ANXA7: variants seen among roughly 807,000 people sequenced by gnomAD.
ANXA7 encodes the protein annexin VII.
A neutral mutation model predicts 64.9 loss-of-function variants in ANXA7; 55 were observed. That is an observed-to-expected ratio of 0.85 (90% CI 0.68 to 1.06). The LOEUF (loss-of-function observed/expected upper bound fraction) is 1.06, where lower values mean the gene tolerates loss of function less well. ANXA7 is among the 50% of genes least tolerant of loss of function. The pLI is 0.00. For synonymous variants in ANXA7, 200 were observed against 192.4 expected (o/e 1.04, Z -0.33); for missense variants, 548 against 582.1 (o/e 0.94, Z 0.60).
At chr10:73,413,035 A>C (rs1043645517) in intron 1 of ANXA7, among the ~76,000 whole-genome samples, 1 of 152,016 alleles carries the variant, frequency 6.6e-6, no homozygotes, top group African/African-American at 2.4e-5. Context: ...CAGCGAATAC[A>C]ATTTTGCAAA....
At chr10:73,406,586 T>C (rs1181944988) in intron 1 of ANXA7, among the ~76,000 whole-genome samples, 1 of 152,134 alleles carries the variant, frequency 6.6e-6, no homozygotes, top group Non-Finnish European at 1.5e-5. Context: ...ACATATATTT[T>C]TGAGATGGTT....
chr10:73,378,869 A>T (rs1024757857), intron 12 of ANXA7, 42 bp downstream of exon 12: 2 of 1,445,640 alleles, frequency 1.4e-6, no homozygotes, highest in African/African-American at 2.8e-5. Flanking sequence ...TCAACATTGA[A>T]CATCAAGTAA....
At chr10:73,391,242 C>CA (rs1198579200) in intron 5 of ANXA7, among the ~76,000 whole-genome samples, 1 of 151,432 alleles carries the variant, frequency 6.6e-6, no homozygotes, top group Non-Finnish European at 1.5e-5. Flanking sequence ...GAGTTCTCAG[C>CA]AAAATCTGCT....
At chr10:73,380,332 C>CGACA in intron 9 of ANXA7, 131 bp from the exon 10 acceptor site, 2 of 894,620 alleles carry the variant, frequency 2.2e-6, no homozygotes, top group Non-Finnish European at 3.3e-6. Flanking sequence ...CTTGCTCTGT[C>CGACA]ACTCAGGCTG....
In ANXA7 at chr10:73,375,447, T is replaced by C. The variant is rs986547471; in HGVS notation, c.*648A>G. The C allele has an allele frequency of 6.6e-6, 1 of 152,168 alleles. No individual in the cohort carries two copies. Among genetic ancestry groups the C allele is most frequent in the African/African-American group, 2.4e-5 (1 of 41,450 alleles). The allele number at this position is 152,168 out of a possible 1,614,324, so 9.4% of individuals were successfully genotyped here. On this transcript the variant is annotated 3_prime_UTR_variant, in exon 13 of 13. Coordinates refer to ENST00000372921, the MANE Select transcript of ANXA7 (RefSeq NM_001156.5). Reference sequence around the variant, plus strand: ...AACACCATATTGTACACCTTAAATATATGCAATTTTTTATTTGTCATAACT... The same window carrying C: ...AACACCATATTGTACACCTTAAATACATGCAATTTTTTATTTGTCATAACT...
intron 1 of ANXA7, among the ~76,000 whole-genome samples, chr10:73,401,295 T>C (rs1041052144): frequency 3.3e-5 from 5 of 151,726 alleles, no homozygotes; most frequent in African/African-American, 9.7e-5. Flanking sequence ...CAAGGTTTTA[T>C]GCAAAATATT....
chr10:73,390,876 G>T lies in ANXA7; in HGVS notation c.436-2462C>A, dbSNP rs144278236. Among the ~76,000 whole-genome samples, 229 of 151,872 alleles carry T rather than the reference G, an allele frequency of 1.5e-3. 1 individual carries two copies. Among genetic ancestry groups the T allele is most frequent in the African/African-American group, 5.3e-3 (220 of 41,452 alleles). On this transcript the variant is annotated intron_variant, in intron 5 of 12. Transcript: ENST00000372921. ...TTCCAGGCATTAAACTGAATTCAAA[G>T]AAATCAGGATCTGGGCTGGGCACAG...
Position 73,387,710 on chromosome 10 carries a change from T to C in ANXA7, c.612A>G (p.Ala204=), listed in dbSNP as rs919783162. The change falls in exon 7 of 13, where the codon GCA becomes GCG. Residue 204 remains alanine, a synonymous_variant. Transcript: ENST00000372921. ...SNDQRQKIKA[A]FKTSYGKDLI... Reference sequence around the variant, plus strand: ...ATACCTTGCCATAGGAGGTCTTAAATGCTGCTTTAATTTTTTGCCTCTGAT... The same window carrying C: ...ATACCTTGCCATAGGAGGTCTTAAACGCTGCTTTAATTTTTTGCCTCTGAT... The C allele has an allele frequency of 1.9e-6, 3 of 1,613,990 alleles. No individual in the cohort carries two copies. Among genetic ancestry groups the C allele is most frequent in the Non-Finnish European group, 2.5e-6 (3 of 1,179,978 alleles).
In ANXA7 at chr10:73,398,090, A is replaced by G; in HGVS notation, c.259+91T>C. On this transcript the variant is annotated intron_variant, in intron 3 of 12. Transcript: ENST00000372921. ...TTACCTAAGAGCGACTTGACCTTAT[A>G]CAAAACAAGCAGGAATGAAGAGGAT... 13 of 1,335,768 alleles carry G rather than the reference A, an allele frequency of 9.7e-6. No homozygotes were observed. In the South Asian group the frequency reaches 1.7e-4, roughly 18 times the overall value. The allele number at this position is 1,335,768 out of a possible 1,614,324, so 82.7% of individuals were successfully genotyped here. A position where few individuals can be genotyped will look rare whatever the true frequency, so the allele number is the denominator to read the frequency against.
At position 73,383,693 on chromosome 10, in the gene ANXA7, A is replaced by G; in HGVS notation, c.634-3T>C. The G allele has an allele frequency of 1.3e-6, 2 of 1,577,482 alleles. No individual in the cohort carries two copies. The highest frequency in any genetic ancestry group is 2.2e-5 in the East Asian group (1 of 44,640). On this transcript the variant is annotated splice_polypyrimidine_tract_variant and splice_region_variant and intron_variant, in intron 7 of 12. Transcript: ENST00000372921. ...GATTTGAGATCTTTGATTAAATCCT[A>G]TTTAATCACAAATACAAGCTAAGTA...
At chr10:73,378,724 C>T (rs557761219) in intron 12 of ANXA7, among the ~76,000 whole-genome samples, 187 bp downstream of exon 12, 15 of 152,248 alleles carry the variant, frequency 9.9e-5, no homozygotes, top group African/African-American at 2.9e-4. Context: ...TGGCCTATTT[C>T]ACTAATGCAA....
intron 1 of ANXA7, among the ~76,000 whole-genome samples, chr10:73,403,078 C>T (rs2055697112): frequency 6.6e-6 from 1 of 152,206 alleles, no homozygotes; most frequent in African/African-American, 2.4e-5. Flanking sequence ...CCACCTTGGC[C>T]TCCCAAAGTG....
chr10:73,395,994 GCA>G, intron 5 of ANXA7: 1 of 1,115,444 alleles, frequency 9.0e-7, no homozygotes, highest in East Asian at 2.4e-5. Context: ...AGAAACAAAG[GCA>G]CATATAAAGG....
rs762558430 is a variant in ANXA7, at chr10:73,378,919, G to A, written c.1270C>T (p.Arg424Ter). The change falls in exon 12 of 13, where the codon CGA becomes TGA. Residue 424 changes from arginine (R) to a stop codon, truncating the protein, a stop_gained. Transcript: ENST00000372921. LOFTEE classifies it high-confidence loss of function. Reference sequence around the variant, plus strand: ...AGAGAGGCCTGCCTCACCTCACTTCGAGTGACCACAATCCGGACCAGGGTG... The same window carrying A: ...AGAGAGGCCTGCCTCACCTCACTTCAAGTGACCACAATCCGGACCAGGGTG... ...DSTLVRIVVTRSEIDLVQIKQ... is the reference protein window; with the variant it reads ...DSTLVRIVVT The A allele has an allele frequency of 1.5e-5, 24 of 1,612,198 alleles. No individual in the cohort carries two copies. The highest frequency in any genetic ancestry group is 2.2e-5 in the East Asian group (1 of 44,816).
At chr10:73,409,423 A>G (rs1283919021) in intron 1 of ANXA7, among the ~76,000 whole-genome samples, 4 of 152,202 alleles carry the variant, frequency 2.6e-5, no homozygotes, top group African/African-American at 9.7e-5. Context: ...ATAGCTGCAA[A>G]AATAAAAAAT....
rs1344034873 is a variant in ANXA7, at chr10:73,397,157, T to TA, written c.370+6dup. On this transcript the variant is annotated splice_region_variant and intron_variant, in intron 4 of 12. Transcript: ENST00000372921. ...ATACTGTTTTTTTCTGGACAGCTGG[T>TA]ACCTACCAGGTAGTGGAACCTGTGC... is the stretch of plus-strand genomic sequence containing the variant. The TA allele has an allele frequency of 6.6e-6, 10 of 1,514,784 alleles. No homozygotes were observed. The highest frequency in any genetic ancestry group is 8.9e-6 in the Non-Finnish European group (10 of 1,120,982). The allele number at this position is 1,514,784 out of a possible 1,614,324, so 93.8% of individuals were successfully genotyped here.
At position 73,378,977 on chromosome 10, in the gene ANXA7, G is replaced by A; in HGVS notation, c.1212C>T (p.Tyr404=). Residue 404 remains tyrosine (Y), a synonymous_variant, in exon 12 of 13, where the codon TAC becomes TAT. Transcript: ENST00000372921. ...CTGTGCCAGCACCTTTCATAGCATAGTAGAGCCTCTCAGCAAAGAAGGCAG... is the reference window on the plus strand; with the variant it reads ...CTGTGCCAGCACCTTTCATAGCATAATAGAGCCTCTCAGCAAAGAAGGCAG... The part of the protein sequence containing the change: ...NRPAFFAERL[Y]YAMKGAGTDD... 6.2e-7 allele frequency: 1 copy of A among 1,613,630 alleles called. No homozygotes were observed. The highest frequency in any genetic ancestry group is 8.5e-7 in the Non-Finnish European group (1 of 1,179,788).
intron 1 of ANXA7, among the ~76,000 whole-genome samples, chr10:73,405,498 C>A (rs1460631259): frequency 6.6e-6 from 1 of 152,174 alleles, no homozygotes; most frequent in African/African-American, 2.4e-5. Context: ...AAGATCACAC[C>A]ACTGCACTCC....
chr10:73,413,475 G>C (rs1028441465), intron 1 of ANXA7, among the ~76,000 whole-genome samples: 5 of 152,156 alleles, frequency 3.3e-5, no homozygotes, highest in South Asian at 2.1e-4. Context: ...GCTGGTCGGG[G>C]AACAGCAATC....
Sources: gnomAD v4.1 joint callset for allele counts (sites outside exome capture counted in the v4.1 genomes callset) on GRCh38, gnomAD v4.1.1 for gene constraint, MANE v1.5 for transcripts, NCBI Gene and HGNC (gene_info 2026-07-23, HGNC 2026-07-21) for gene names.